The following RASSF5 variants were observed in gnomAD, a reference collection of about 807,000 sequenced individuals.
The protein encoded by RASSF5 is ras association domain-containing protein 5.
RASSF5 carries 25 observed loss-of-function variants against 40.5 expected under a neutral mutation model. The ratio of observed to expected loss-of-function variants is 0.62; its 90% CI spans 0.45 to 0.86. The LOEUF (loss-of-function observed/expected upper bound fraction) is 0.86, where lower values mean the gene tolerates loss of function less well. RASSF5 is among the 40% of genes least tolerant of loss of function. RASSF5 has a pLI of 0.00. For missense variants in RASSF5, 521 were observed against 572.8 expected (o/e 0.91, Z 0.92); for synonymous variants, 246 against 252.4 (o/e 0.97, Z 0.24).
chr1:206,552,020 A>G lies in RASSF5; in HGVS notation c.579+13727A>G, dbSNP rs1349855441. Among the ~76,000 whole-genome samples, 1 of 152,242 alleles carries G rather than the reference A, an allele frequency of 6.6e-6. No homozygotes were observed. On this transcript the variant is annotated intron_variant, in intron 2 of 5. Coordinates refer to ENST00000579436, the MANE Select transcript of RASSF5 (RefSeq NM_182663.4). This position sits in a 1 kb window ranked among gnomAD's most constrained non-coding sequence, Gnocchi z 4.1. ...CCTTGGGCCTGACTCAGACCCTGACATGAGTTCTTGAGGGTGTGGACAACT... is the reference window on the plus strand; with the variant it reads ...CCTTGGGCCTGACTCAGACCCTGACGTGAGTTCTTGAGGGTGTGGACAACT...
chr1:206,576,381 C>A (rs1668660140), intron 2 of RASSF5, among the ~76,000 whole-genome samples: 1 of 152,220 alleles, frequency 6.6e-6, no homozygotes, highest in Non-Finnish European at 1.5e-5. Context: ...CTGTCTACCT[C>A]CATCCCTACC....
rs782619931 is a variant in RASSF5 at position 206,535,715 on chromosome 1, G to GGTGTGTGT, written c.458-2435_458-2428dup. The stretch of plus-strand genomic sequence containing the variant: ...TGTGTGTGTGTGTCTGTGTGTGTGT[G>GGTGTGTGT]GTGTGTGTGTGTGTGTGTGTGTGTG... On this transcript the variant is annotated intron_variant, in intron 1 of 5. Coordinates refer to ENST00000579436, the MANE Select transcript of RASSF5 (RefSeq NM_182663.4). This position sits in a 1 kb window ranked among gnomAD's most constrained non-coding sequence, Gnocchi z 5.0. Among the ~76,000 whole-genome samples, 5 of 145,114 alleles carry GGTGTGTGT rather than the reference G, an allele frequency of 3.4e-5. No individual in the cohort carries two copies. The highest frequency in any genetic ancestry group is 1.4e-4 in the Admixed American group (2 of 14,748).
intron 2 of RASSF5, among the ~76,000 whole-genome samples, chr1:206,564,193 G>T (rs1036751459): frequency 6.6e-6 from 1 of 152,078 alleles, no homozygotes; most frequent in Non-Finnish European, 1.5e-5. Context: ...CATGGGCCTG[G>T]TAGGGATTCT....
At position 206,552,924 on chromosome 1, in the gene RASSF5, CTGGGCGCGG is replaced by C. The variant is rs1247012654; in HGVS notation, c.579+14635_579+14643del. On this transcript the variant is annotated intron_variant, in intron 2 of 5. Coordinates refer to ENST00000579436, the MANE Select transcript of RASSF5 (RefSeq NM_182663.4). The surrounding 1 kb of genome is among the most constrained non-coding windows in gnomAD (Gnocchi z 4.1). The stretch of plus-strand genomic sequence containing the variant: ...TGCCTGAAGAAAGTGCTCAGTAAGG[CTGGGCGCGG>C]TGGCTCACACCTGTAATCCCAGCAC... Among the ~76,000 whole-genome samples, 1 of 152,152 alleles carries C rather than the reference CTGGGCGCGG, an allele frequency of 6.6e-6. No homozygotes were observed. Among genetic ancestry groups the C allele is most frequent in the Non-Finnish European group, 1.5e-5 (1 of 68,034 alleles).
intron 2 of RASSF5, among the ~76,000 whole-genome samples, chr1:206,546,106 T>C (rs1572328200): frequency 1.6e-5 from 1 of 64,176 alleles, no homozygotes; most frequent in Non-Finnish European, 3.2e-5. Flanking sequence ...TTTTTTTTTT[T>C]TTTTTTTTTT....
At chr1:206,553,363 AC>A (rs1667898422) in intron 2 of RASSF5, among the ~76,000 whole-genome samples, 1 of 152,200 alleles carries the variant, frequency 6.6e-6, no homozygotes, top group South Asian at 2.1e-4. Flanking sequence ...CAGAAGGGTA[AC>A]TGTGGCAATA....
chr1:206,511,418 A>T (rs782795555), intron 1 of RASSF5, among the ~76,000 whole-genome samples: 7 of 152,020 alleles, frequency 4.6e-5, no homozygotes, highest in Non-Finnish European at 1.0e-4. Context: ...TTTACCTTTC[A>T]TCTCATTTTG....
At chr1:206,529,765 C>A (rs1354058856) in intron 1 of RASSF5, 8 of 395,194 alleles carry the variant, frequency 2.0e-5, no homozygotes, top group Non-Finnish European at 2.3e-5. Flanking sequence ...ATTTTTCCTT[C>A]AAAAAAAAAA....
chr1:206,544,896 A>G (rs1250389557), intron 2 of RASSF5: 6 of 149,610 alleles, frequency 4.0e-5, no homozygotes, highest in Non-Finnish European at 8.9e-5. Context: ...ACCCTTGAGA[A>G]AAAAAAAAAA....
Position 206,589,010 on chromosome 1 carries a change from G to A in RASSF5, c.*2032G>A, listed in dbSNP as rs1368010302. ...ATATAGCTATATATAAAGAGATAAG[G>A]GTGTTTATGAAATGAGAAAATTATT... On this transcript the variant is annotated 3_prime_UTR_variant, in exon 6 of 6. Coordinates refer to ENST00000579436, the MANE Select transcript of RASSF5 (RefSeq NM_182663.4). The A allele has an allele frequency of 1.3e-5, 2 of 152,662 alleles. No homozygotes were observed. Among genetic ancestry groups the A allele is most frequent in the Non-Finnish European group, 2.9e-5 (2 of 68,020 alleles). The allele number at this position is 152,662 out of a possible 1,614,324, so 9.5% of individuals were successfully genotyped here. A position where few individuals can be genotyped will look rare whatever the true frequency, so the allele number is the denominator to read the frequency against.
At chr1:206,524,880 C>A (rs1012236242) in intron 1 of RASSF5, among the ~76,000 whole-genome samples, 1 of 151,330 alleles carries the variant, frequency 6.6e-6, no homozygotes, top group Admixed American at 6.6e-5. Flanking sequence ...CACTCACACA[C>A]ACACACATGC....
At position 206,564,718 on chromosome 1, in the gene RASSF5, G is replaced by C. The variant is rs574763349; in HGVS notation, c.580-18551G>C. Among the ~76,000 whole-genome samples the C allele has an allele frequency of 1.1e-4, 16 of 152,270 alleles. 1 individual carries two copies. In the South Asian group the frequency reaches 2.9e-3, roughly 28 times the overall value. On this transcript the variant is annotated intron_variant, in intron 2 of 5. Coordinates refer to ENST00000579436, the MANE Select transcript of RASSF5 (RefSeq NM_182663.4). ...CTGAGACCTGTCCTGCAGGTCCTTG[G>C]TTTCTTCTTCTTCATGGTTTAGTCT...
intron 5 of RASSF5, 43 bp downstream of exon 5, chr1:206,585,338 C>G (rs1328421994): frequency 6.7e-7 from 1 of 1,482,158 alleles, no homozygotes. Flanking sequence ...TTAGGGCACC[C>G]TGGGTGGGTG....
chr1:206,537,067 G>C (rs1028102392), intron 1 of RASSF5, among the ~76,000 whole-genome samples: 1 of 151,856 alleles, frequency 6.6e-6, no homozygotes, highest in South Asian at 2.1e-4. Context: ...GTCTCCTGCT[G>C]CCTTTGACTT....
At chr1:206,556,209 A>G (rs1667981152) in intron 2 of RASSF5, among the ~76,000 whole-genome samples, 1 of 152,196 alleles carries the variant, frequency 6.6e-6, no homozygotes, top group Non-Finnish European at 1.5e-5. Flanking sequence ...GGGTCTGTAC[A>G]TGACAGTGAC....
chr1:206,508,650 C>T (rs1482771735), intron 1 of RASSF5, among the ~76,000 whole-genome samples: 1 of 152,072 alleles, frequency 6.6e-6, no homozygotes, highest in Non-Finnish European at 1.5e-5. Context: ...ACCCTGAACC[C>T]GTGCCCCCTC....
chr1:206,557,746 T>A, intron 2 of RASSF5: 1 of 1,588,738 alleles, frequency 6.3e-7, no homozygotes. Flanking sequence ...ATAACCTCTG[T>A]GGTCAATCTA....
rs35375678 is a variant in RASSF5, at chr1:206,531,606, C to T, written c.458-6566C>T. Among the ~76,000 whole-genome samples the T allele has an allele frequency of 0.025, 3,801 of 152,186 alleles. 76 individuals are homozygous for T. The highest frequency in any genetic ancestry group is 0.034 in the Non-Finnish European group (2,330 of 67,988). ...CCATAGCTGGTCCAGCCCAGAGGCT[C>T]CAGTGGGGCAACACCCAGTGGAAAA... is the stretch of plus-strand genomic sequence containing the variant. On this transcript the variant is annotated intron_variant, in intron 1 of 5. Transcript: ENST00000579436. This position sits in a 1 kb window ranked among gnomAD's most constrained non-coding sequence, Gnocchi z 4.7.
In RASSF5 at chr1:206,511,145, A is replaced by C. The variant is rs148851876; in HGVS notation, c.457+3086A>C. Among the ~76,000 whole-genome samples, 478 of 152,318 alleles carry C rather than the reference A, an allele frequency of 3.1e-3. 1 individual carries two copies. Among genetic ancestry groups the C allele is most frequent in the African/African-American group, 0.011 (447 of 41,558 alleles). On this transcript the variant is annotated intron_variant, in intron 1 of 5. Transcript: ENST00000579436. ...TAATTTCTAGGATTAAAGAACTCCT[A>C]GTTGTGAGATAGAGAAGGAAATCCA...
Sources: gnomAD v4.1 joint callset for allele counts (sites outside exome capture counted in the v4.1 genomes callset) on GRCh38, gnomAD v4.1.1 for gene constraint, Gnocchi (gnomAD v3.1) non-coding constraint, MANE v1.5 for transcripts, NCBI Gene and HGNC (gene_info 2026-07-23, HGNC 2026-07-21) for gene names.